MAB21L3: variants seen among roughly 807,000 people sequenced by gnomAD.
The protein encoded by MAB21L3 is mab-21 like 3, also known as protein mab-21-like 3.
A neutral mutation model predicts 37.7 loss-of-function variants in MAB21L3; 36 were observed. That is an observed-to-expected ratio of 0.96 (90% confidence interval 0.73 to 1.26). The LOEUF is 1.26. Among genes scored for constraint, MAB21L3 ranks in the 50% most tolerant of loss-of-function variants. The pLI is 0.00. For synonymous variants in MAB21L3, 186 were observed against 176.8 expected (o/e 1.05, Z -0.41); for missense variants, 430 against 447.3 (o/e 0.96, Z 0.35).
chr1:116,112,367 CTCT>C (rs1469011855), intron 2 of MAB21L3, 37 bp from the exon 3 acceptor site: 1 of 394,216 alleles, frequency 2.5e-6, no homozygotes, highest in African/African-American at 2.0e-5. Context: ...ATTTTATCAA[CTCT>C]TCTTTTTAAA....
At chr1:116,122,392 T>C (rs1557930299) in intron 4 of MAB21L3, among the ~76,000 whole-genome samples, 1 of 152,240 alleles carries the variant, frequency 6.6e-6, no homozygotes, top group Non-Finnish European at 1.5e-5. Context: ...CTTAGCACTA[T>C]ACCCAAGGAA....
At chr1:116,114,943 G>T (rs1659546340) in intron 3 of MAB21L3, among the ~76,000 whole-genome samples, 1 of 152,214 alleles carries the variant, frequency 6.6e-6, no homozygotes, top group Non-Finnish European at 1.5e-5. Flanking sequence ...CCAGGCTAAG[G>T]GAACCCCGTT....
Position 116,120,448 on chromosome 1 carries a change from C to T in MAB21L3, c.49-484C>T, listed in dbSNP as rs10923973. Among the ~76,000 whole-genome samples the T allele has an allele frequency of 2.7e-3, 411 of 149,712 alleles. 1 individual carries two copies. Among genetic ancestry groups the T allele is most frequent in the African/African-American group, 8.4e-3 (339 of 40,368 alleles). ...ACACACACAAACACACACACACACACATATATATATACAGGAATACATATA... is the reference window on the plus strand; with the variant it reads ...ACACACACAAACACACACACACACATATATATATATACAGGAATACATATA... On this transcript the variant is annotated intron_variant, in intron 3 of 7. Coordinates refer to ENST00000369500, the MANE Select transcript of MAB21L3 (RefSeq NM_152367.3).
intron 3 of MAB21L3, among the ~76,000 whole-genome samples, chr1:116,119,943 A>G (rs1462759145): frequency 2.0e-5 from 3 of 152,210 alleles, no homozygotes; most frequent in African/African-American, 7.2e-5. Context: ...GTCTAGAAGC[A>G]AAAGGCAGGG....
intron 5 of MAB21L3, among the ~76,000 whole-genome samples, chr1:116,125,879 G>A (rs1557932262): frequency 6.6e-6 from 1 of 150,816 alleles, no homozygotes. Flanking sequence ...TGGGCCGGCA[G>A]GGTGTGGGCC....
chr1:116,126,347 C>A (rs771883078), intron 5 of MAB21L3, among the ~76,000 whole-genome samples: 1 of 152,122 alleles, frequency 6.6e-6, no homozygotes, highest in Non-Finnish European at 1.5e-5. Flanking sequence ...CTACTAGATG[C>A]GTTAGTTTTC....
At position 116,132,062 on chromosome 1, in the gene MAB21L3, G is replaced by C. The variant is rs560979219; in HGVS notation, c.856-1070G>C. Among the ~76,000 whole-genome samples the C allele has an allele frequency of 1.1e-4, 17 of 152,268 alleles. No homozygotes were observed. In the East Asian group the frequency reaches 3.3e-3, roughly 29 times the overall value. On this transcript the variant is annotated intron_variant, in intron 7 of 7. Coordinates refer to ENST00000369500, the MANE Select transcript of MAB21L3 (RefSeq NM_152367.3). ...ATCAGGTTTGTGCAGGAAGAGCAGG[G>C]GTTCAGTTTGGGCATGTTGGGACTG...
In MAB21L3 at chr1:116,111,485, A is replaced by G. The variant is rs1659422770; in HGVS notation, c.-417A>G. 6.6e-6 allele frequency among the ~76,000 whole-genome samples: 1 copy of G among 152,142 alleles called. No individual in the cohort carries two copies. Among genetic ancestry groups the G allele is most frequent in the Non-Finnish European group, 1.5e-5 (1 of 68,022 alleles). ...AGCACTTACAGGTGGGCTTGGAAAC[A>G]CTTGCCTTTGGAACATTGTTTAAAA... On this transcript the variant is annotated 5_prime_UTR_variant, in exon 1 of 8. Coordinates refer to ENST00000369500, the MANE Select transcript of MAB21L3 (RefSeq NM_152367.3).
chr1:116,123,890 G>T, intron 4 of MAB21L3, 176 bp from the exon 5 acceptor site: 1 of 598,076 alleles, frequency 1.7e-6, no homozygotes. Context: ...TTCAGTAGCA[G>T]AACAAAGAGG....
intron 4 of MAB21L3, among the ~76,000 whole-genome samples, chr1:116,123,330 A>C (rs1316232310): frequency 6.6e-6 from 1 of 152,158 alleles, no homozygotes; most frequent in Non-Finnish European, 1.5e-5. Context: ...ACATTGTCTC[A>C]ACAAATAAGC....
intron 3 of MAB21L3, among the ~76,000 whole-genome samples, chr1:116,120,365 T>C (rs555646272): frequency 6.8e-6 from 1 of 146,364 alleles, no homozygotes; most frequent in South Asian, 2.1e-4. Context: ...ATATTTTATT[T>C]TTCTTCATGG....
At chr1:116,132,405 G>A (rs902850883) in intron 7 of MAB21L3, among the ~76,000 whole-genome samples, 11 of 152,122 alleles carry the variant, frequency 7.2e-5, no homozygotes, top group Admixed American at 2.6e-4. Flanking sequence ...GGGTGTGGGC[G>A]AGAGAACCAG....
intron 3 of MAB21L3, among the ~76,000 whole-genome samples, chr1:116,117,325 C>T (rs1453079147): frequency 6.6e-6 from 1 of 151,954 alleles, no homozygotes; most frequent in Non-Finnish European, 1.5e-5. Flanking sequence ...TATTTCTCAA[C>T]CACTCTGCCT....
intron 5 of MAB21L3, among the ~76,000 whole-genome samples, chr1:116,127,147 T>C (rs1659929817): frequency 6.6e-6 from 1 of 152,020 alleles, no homozygotes; most frequent in Non-Finnish European, 1.5e-5. Context: ...TTTCAGTTGA[T>C]CCTCCTGAAA....
At position 116,114,123 on chromosome 1, in the gene MAB21L3, C is replaced by T. The variant is rs1659504709; in HGVS notation, c.48+1460C>T. ...TTCACTCCCGTTATAATTAGTATTA[C>T]TGGCACCATTTATTTGATCATGAGT... On this transcript the variant is annotated intron_variant, in intron 3 of 7. Transcript: ENST00000369500. 2.0e-5 allele frequency among the ~76,000 whole-genome samples: 3 copies of T among 152,208 alleles called. No individual in the cohort carries two copies. The South Asian group carries it at 6.2e-4, about 32-fold the overall frequency.
In MAB21L3 at chr1:116,114,484, T is replaced by C. The variant is rs962326933; in HGVS notation, c.48+1821T>C. 5.3e-5 allele frequency among the ~76,000 whole-genome samples: 8 copies of C among 152,270 alleles called. No individual in the cohort carries two copies. The South Asian group carries it at 1.7e-3, about 32-fold the overall frequency. ...CTTGTCCAAAGTTACACAGCTAAAT[T>C]GAGAGGGTACTGAAGTTTCAGCCTT... is the stretch of plus-strand genomic sequence containing the variant. On this transcript the variant is annotated intron_variant, in intron 3 of 7. Transcript: ENST00000369500.
At chr1:116,112,718 A>C (rs1268355228) in intron 3 of MAB21L3, 55 bp downstream of exon 3, 2 of 1,571,976 alleles carry the variant, frequency 1.3e-6, no homozygotes, top group African/African-American at 2.8e-5. Context: ...CACTACTTCC[A>C]AACAAACCTT....
At chr1:116,127,329 G>A (rs1659936380) in intron 5 of MAB21L3, 137 bp from the exon 6 acceptor site, 6 of 740,866 alleles carry the variant, frequency 8.1e-6, no homozygotes, top group African/African-American at 3.6e-5. Context: ...GATCCTTCAC[G>A]TGCTACAGAC....
chr1:116,116,167 A>G (rs1012211736), intron 3 of MAB21L3, among the ~76,000 whole-genome samples: 2 of 152,132 alleles, frequency 1.3e-5, no homozygotes, highest in Non-Finnish European at 2.9e-5. Flanking sequence ...TGTGGCCAGA[A>G]TAAGTGGAGA....
Sources: gnomAD v4.1 joint callset for allele counts (sites outside exome capture counted in the v4.1 genomes callset) on GRCh38, gnomAD v4.1.1 for gene constraint, MANE v1.5 for transcripts, NCBI Gene and HGNC (gene_info 2026-07-23, HGNC 2026-07-21) for gene names.